The following TESPA1 variants were observed in gnomAD, a reference collection of about 807,000 sequenced individuals.
TESPA1 encodes the protein protein TESPA1.
A neutral mutation model predicts 57.9 loss-of-function variants in TESPA1; 33 were observed. The ratio of observed to expected loss-of-function variants is 0.57; its 90% CI spans 0.43 to 0.76. The LOEUF (loss-of-function observed/expected upper bound fraction) is 0.76, where lower values mean the gene tolerates loss of function less well. Ranked by LOEUF, TESPA1 falls within the 30% of genes least tolerant of loss-of-function variation. TESPA1 has a pLI of 0.00. For synonymous variants in TESPA1, 227 were observed against 228.9 expected, an observed-to-expected ratio of 0.99 and a Z score of 0.07; for missense variants, 618 against 632.9, an observed-to-expected ratio of 0.98 and a Z score of 0.25.
intron 1 of TESPA1, among the ~76,000 whole-genome samples, chr12:54,978,407 C>T (rs1565875961): frequency 1.3e-5 from 2 of 152,138 alleles, no homozygotes; most frequent in Non-Finnish European, 2.9e-5. Flanking sequence ...ACTTCCAGTA[C>T]CAATGTTTAT....
intron 1 of TESPA1, among the ~76,000 whole-genome samples, chr12:54,980,265 G>C (rs1396238307): frequency 6.6e-6 from 1 of 152,218 alleles, no homozygotes; most frequent in African/African-American, 2.4e-5. Flanking sequence ...TTCTGTGACA[G>C]TCTTAGTGCA....
At chr12:54,982,411 T>C (rs1952354088) in intron 1 of TESPA1, among the ~76,000 whole-genome samples, 1 of 152,222 alleles carries the variant, frequency 6.6e-6, no homozygotes, top group African/African-American at 2.4e-5. Flanking sequence ...TCCCCTCCCT[T>C]TTCATACTCT....
rs747588356 is a variant in TESPA1, at chr12:54,974,590, C to A, written c.-28G>T. ...CCCTGGCTCAGACTTCAGGGCCTCC[C>A]GTAACAGTAATGCCGTCCTAAGAGT... On this transcript the variant is annotated 5_prime_UTR_variant, in exon 2 of 11. Transcript: ENST00000449076. 2.0e-6 allele frequency: 3 copies of A among 1,508,458 alleles called. No individual in the cohort carries two copies. Among genetic ancestry groups the A allele is most frequent in the Admixed American group, 2.2e-5 (1 of 44,738 alleles). The allele number at this position is 1,508,458 out of a possible 1,614,324, so 93.4% of individuals were successfully genotyped here.
chr12:54,954,060 G>A (rs1950581920), intron 10 of TESPA1, among the ~76,000 whole-genome samples: 1 of 152,168 alleles, frequency 6.6e-6, no homozygotes, highest in African/African-American at 2.4e-5. Context: ...GGTGACAAAG[G>A]TAGTGAGAGT....
intron 7 of TESPA1, among the ~76,000 whole-genome samples, chr12:54,964,907 T>C (rs12301448): frequency 0.36 from 55,096 of 152,000 alleles, 12,899 homozygotes; most frequent in East Asian, 0.89. Flanking sequence ...AATCCCATCT[T>C]CAGACATTCT....
rs749903410 is a variant in TESPA1, at chr12:54,953,892, G to A, written c.*2-3502C>T. On this transcript the variant is annotated intron_variant, in intron 10 of 10. Coordinates refer to ENST00000449076, the MANE Select transcript of TESPA1 (RefSeq NM_001136030.3). ...CCATCTTCTGAAAGGTTAATTTCTG[G>A]TCCCTATGGCATTTAATGAAAATTA... 6.0e-4 allele frequency among the ~76,000 whole-genome samples: 91 copies of A among 152,196 alleles called. 1 individual carries two copies. Among genetic ancestry groups the A allele is most frequent in the Non-Finnish European group, 9.0e-4 (61 of 68,012 alleles).
intron 9 of TESPA1, among the ~76,000 whole-genome samples, chr12:54,961,886 C>G (rs1427189455): frequency 6.6e-6 from 1 of 152,112 alleles, no homozygotes; most frequent in Non-Finnish European, 1.5e-5. Flanking sequence ...CTCGGGTAAC[C>G]AAACATGGAC....
rs10580548 is a variant in TESPA1, at chr12:54,949,379, G to GTTTTT, written c.*1008_*1012dup. The GTTTTT allele has an allele frequency of 7.1e-6, 1 of 141,656 alleles. No individual in the cohort carries two copies. Among genetic ancestry groups the GTTTTT allele is most frequent in the Non-Finnish European group, 1.5e-5 (1 of 65,254 alleles). 8.8% of individuals were successfully genotyped at this position (141,656 alleles called of 1,614,324 possible). On this transcript the variant is annotated 3_prime_UTR_variant, in exon 11 of 11. Transcript: ENST00000449076. ...AATTCCCTCAAGTCCCTCTCTTCCT[G>GTTTTT]TTTTTTTTTTTTTTTTCTTTTGTCT...
At chr12:54,964,899 T>A (rs75671299) in intron 7 of TESPA1, among the ~76,000 whole-genome samples, 3,064 of 152,232 alleles carry the variant, frequency 0.02, 78 homozygotes, top group African/African-American at 0.068. Context: ...TATATTTGAA[T>A]CCCATCTTCA....
chr12:54,977,644 G>A (rs1176010479), intron 1 of TESPA1, among the ~76,000 whole-genome samples: 1 of 152,184 alleles, frequency 6.6e-6, no homozygotes, highest in South Asian at 2.1e-4. Context: ...GCAATTGCAG[G>A]TATGACAATA....
chr12:54,984,944 A>C (rs999107962), upstream of TESPA1, among the ~76,000 whole-genome samples: 1 of 152,162 alleles, frequency 6.6e-6, no homozygotes, highest in Non-Finnish European at 1.5e-5. Context: ...AAAACAGGAG[A>C]TCTTTTCCTA....
At chr12:54,978,958 C>T (rs1373141629) in intron 1 of TESPA1, among the ~76,000 whole-genome samples, 1 of 152,208 alleles carries the variant, frequency 6.6e-6, no homozygotes, top group Non-Finnish European at 1.5e-5. Context: ...AGAAGGGACT[C>T]CATAAGTGCT....
At chr12:54,983,833 C>A (rs1032406495) in intron 1 of TESPA1, among the ~76,000 whole-genome samples, 2 of 152,178 alleles carry the variant, frequency 1.3e-5, no homozygotes, top group Non-Finnish European at 2.9e-5. Flanking sequence ...CCTGCTACCA[C>A]TGGGGCAAGG....
chr12:54,969,527 C>G (rs1228893896), intron 3 of TESPA1, among the ~76,000 whole-genome samples: 2 of 151,994 alleles, frequency 1.3e-5, no homozygotes, highest in Admixed American at 6.6e-5. Flanking sequence ...ATAGGTTCCC[C>G]CAAGTAAATA....
At chr12:54,951,905 T>C (rs1029268031) in intron 10 of TESPA1, among the ~76,000 whole-genome samples, 1 of 152,006 alleles carries the variant, frequency 6.6e-6, no homozygotes, top group Non-Finnish European at 1.5e-5. Flanking sequence ...GTGAACTATC[T>C]TTCCTCATGC....
chr12:54,965,881 G>C (rs1272791381), intron 7 of TESPA1, among the ~76,000 whole-genome samples, 172 bp downstream of exon 7: 1 of 152,162 alleles, frequency 6.6e-6, no homozygotes, highest in African/African-American at 2.4e-5. Context: ...AGACTCCTCT[G>C]TGTCTTTCAC....
intron 1 of TESPA1, among the ~76,000 whole-genome samples, chr12:54,978,075 T>A (rs1952197579): frequency 6.6e-6 from 1 of 151,606 alleles, no homozygotes; most frequent in South Asian, 2.1e-4. Flanking sequence ...GACAAGCACA[T>A]CAGCCATGAG....
chr12:54,971,845 AT>A (rs888872303), intron 3 of TESPA1, among the ~76,000 whole-genome samples: 33 of 151,960 alleles, frequency 2.2e-4, no homozygotes, highest in South Asian at 8.3e-4. Flanking sequence ...ATTTCTGGGA[AT>A]TTTTTTTCTG....
intron 2 of TESPA1, among the ~76,000 whole-genome samples, chr12:54,974,116 A>G (rs1193873154): frequency 2.0e-5 from 3 of 152,208 alleles, no homozygotes; most frequent in African/African-American, 7.2e-5. Flanking sequence ...AAACACCCCA[A>G]AGCATTCATA....
Sources: gnomAD v4.1 joint callset for allele counts (sites outside exome capture counted in the v4.1 genomes callset) on GRCh38, gnomAD v4.1.1 for gene constraint, MANE v1.5 for transcripts, NCBI Gene and HGNC (gene_info 2026-07-23, HGNC 2026-07-21) for gene names.